DRC8: variants seen among roughly 807,000 people sequenced by gnomAD.
DRC8 encodes the protein dynein regulatory complex protein 8.
At chr1:245,055,967 T>C in the DRC8 span, among the ~76,000 whole-genome samples, 2 of 152,122 alleles carry the variant, frequency 1.3e-5, no homozygotes, top group South Asian at 4.1e-4. Context: ...TTTACAGGTG[T>C]GTAATAGCTC....
At chr1:245,087,839 A>AT in the DRC8 span, 1 of 729,920 alleles carries the variant, frequency 1.4e-6, no homozygotes, top group Non-Finnish European at 1.7e-6. Flanking sequence ...TTACTAATTT[A>AT]TTTTTTTATG....
chr1:245,087,751 G>A, the DRC8 span: 1 of 986,798 alleles, frequency 1.0e-6, no homozygotes, highest in Non-Finnish European at 1.2e-6. Context: ...GAGTAGCAGT[G>A]TAATGAAGGC....
the DRC8 span, among the ~76,000 whole-genome samples, chr1:245,088,315 G>GACTC: frequency 6.9e-6 from 1 of 145,488 alleles, no homozygotes. The surrounding 1 kb of genome is among the most constrained non-coding windows in gnomAD (Gnocchi z 4.6). Flanking sequence ...GTTATAACAA[G>GACTC]ACACACACAC....
At chr1:244,979,154 G>A in the DRC8 span, among the ~76,000 whole-genome samples, 41 of 151,800 alleles carry the variant, frequency 2.7e-4, no homozygotes, top group African/African-American at 9.4e-4. Context: ...GTTGTTTGAT[G>A]TCTGCTTCTC....
At chr1:245,088,385 T>C in the DRC8 span, among the ~76,000 whole-genome samples, 105 of 149,734 alleles carry the variant, frequency 7.0e-4, no homozygotes, top group Admixed American at 3.3e-3. The surrounding 1 kb of genome is among the most constrained non-coding windows in gnomAD (Gnocchi z 4.6). Context: ...CCACTATATG[T>C]GTGTATCTAC....
At chr1:244,993,014 T>G in the DRC8 span, among the ~76,000 whole-genome samples, 16 of 152,316 alleles carry the variant, frequency 1.1e-4, no homozygotes, top group East Asian at 2.9e-3. Flanking sequence ...CACATGAGAC[T>G]CTCTATAGGC....
the DRC8 span, among the ~76,000 whole-genome samples, chr1:245,026,772 A>G: frequency 6.6e-6 from 1 of 152,232 alleles, no homozygotes; most frequent in East Asian, 1.9e-4. Context: ...AAAAAATTAC[A>G]AAAGGACGGA....
the DRC8 span, chr1:244,969,968 G>A: frequency 4.5e-4 from 232 of 516,226 alleles, 1 homozygote; most frequent in Middle Eastern, 9.7e-4. Context: ...GCTCTCCGGC[G>A]CTTTTCAAAA....
the DRC8 span, chr1:245,087,129 C>G: frequency 6.9e-7 from 1 of 1,443,308 alleles, no homozygotes; most frequent in Admixed American, 2.7e-5. Flanking sequence ...CTCCAGGGAG[C>G]GTAACTAGTG....
chr1:245,100,073 A>G, the DRC8 span, among the ~76,000 whole-genome samples: 2 of 152,316 alleles, frequency 1.3e-5, no homozygotes, highest in African/African-American at 2.4e-5. Flanking sequence ...CTATAATACT[A>G]TAATCGTCCC....
chr1:245,028,641 G>A, the DRC8 span, among the ~76,000 whole-genome samples: 1 of 152,128 alleles, frequency 6.6e-6, no homozygotes, highest in African/African-American at 2.4e-5. Context: ...TTGAGAGAGA[G>A]GAGTGGAACT....
At chr1:245,089,668 A>G in the DRC8 span, among the ~76,000 whole-genome samples, 1 of 152,098 alleles carries the variant, frequency 6.6e-6, no homozygotes, top group African/African-American at 2.4e-5. The surrounding 1 kb of genome is among the most constrained non-coding windows in gnomAD (Gnocchi z 4.8). Context: ...AGTTGAGTGG[A>G]TGGAGTAAGG....
At chr1:245,014,775 C>T in the DRC8 span, among the ~76,000 whole-genome samples, 1 of 152,060 alleles carries the variant, frequency 6.6e-6, no homozygotes, top group Admixed American at 6.6e-5. Context: ...TGCTTAGCCT[C>T]TCTGAGCTTT....
At chr1:245,008,368 A>G in the DRC8 span, among the ~76,000 whole-genome samples, 13 of 152,210 alleles carry the variant, frequency 8.5e-5, no homozygotes, top group Non-Finnish European at 1.9e-4. Context: ...AGCATTAGGA[A>G]ATTTTAAAAT....
At chr1:245,007,685 A>ATC in the DRC8 span, among the ~76,000 whole-genome samples, 513 of 152,294 alleles carry the variant, frequency 3.4e-3, no homozygotes, top group Non-Finnish European at 5.6e-3. Context: ...TCATTAGAGA[A>ATC]GCTGGCAAAA....
the DRC8 span, among the ~76,000 whole-genome samples, chr1:245,064,312 T>C: frequency 1.2e-4 from 19 of 152,320 alleles, no homozygotes; most frequent in Non-Finnish European, 2.5e-4. Context: ...ATAGTAAAGA[T>C]AGGTCAGTGA....
At chr1:245,024,131 C>T in the DRC8 span, among the ~76,000 whole-genome samples, 1 of 152,048 alleles carries the variant, frequency 6.6e-6, no homozygotes, top group African/African-American at 2.4e-5. Context: ...GATTGTGCCA[C>T]TGCACTCCAG....
At chr1:245,021,363 C>A in the DRC8 span, among the ~76,000 whole-genome samples, 1 of 151,904 alleles carries the variant, frequency 6.6e-6, no homozygotes, top group Non-Finnish European at 1.5e-5. Flanking sequence ...GCTCTTAGAA[C>A]AATATTAGCT....
the DRC8 span, among the ~76,000 whole-genome samples, chr1:245,061,301 A>G: frequency 3.9e-5 from 6 of 152,358 alleles, no homozygotes; most frequent in East Asian, 1.2e-3. Flanking sequence ...GTTTGCTTGC[A>G]CTGCTGGTGG....
Sources: gnomAD v4.1 joint callset for allele counts (sites outside exome capture counted in the v4.1 genomes callset) on GRCh38, gnomAD v4.1.1 for gene constraint, Gnocchi (gnomAD v3.1) non-coding constraint, MANE v1.5 for transcripts, NCBI Gene and HGNC (gene_info 2026-07-23, HGNC 2026-07-21) for gene names.